Variants in PAK5 observed in about 807,000 individuals in gnomAD.
PAK5 encodes the protein p21 (RAC1) activated kinase 5.
Under a neutral mutation model 65.9 loss-of-function variants are expected in PAK5, and 16 were observed. The ratio of observed to expected loss-of-function variants is 0.24; its 90% CI spans 0.16 to 0.37. PAK5 has a LOEUF of 0.37. PAK5 is among the 10% of genes least tolerant of loss of function. The pLI is 1.00. For missense variants in PAK5, 785 were observed against 903.9 expected (o/e 0.87, Z 1.69); for synonymous variants, 371 against 354.9 (o/e 1.05, Z -0.51).
chr20:9,812,662 A>G (rs1301232256), intron 1 of PAK5, among the ~76,000 whole-genome samples: 1 of 152,204 alleles, frequency 6.6e-6, no homozygotes, highest in East Asian at 1.9e-4. Context: ...CTAATAGGCA[A>G]AAGTTAGAAT....
rs867405536 is a variant in PAK5, at chr20:9,717,855, G to A, written c.-161-6420C>T. Among the ~76,000 whole-genome samples, 3 of 152,276 alleles carry A rather than the reference G, an allele frequency of 2.0e-5. No individual in the cohort carries two copies. In the South Asian group the frequency reaches 6.2e-4, roughly 32 times the overall value. On this transcript the variant is annotated intron_variant, in intron 1 of 9. Transcript: ENST00000353224. ...GGCTGGTCTCAAACTCCTGACCTCAGGTGATACACCCGCCTCGGCCTCCCA... is the reference window on the plus strand; with the variant it reads ...GGCTGGTCTCAAACTCCTGACCTCAAGTGATACACCCGCCTCGGCCTCCCA...
At chr20:9,727,379 GT>G (rs886639021) in intron 1 of PAK5, among the ~76,000 whole-genome samples, 5 of 152,188 alleles carry the variant, frequency 3.3e-5, no homozygotes, top group South Asian at 2.1e-4. Flanking sequence ...TCTTCATTTG[GT>G]TAAGGTGGGG....
At position 9,538,479 on chromosome 20, in the gene PAK5, T is replaced by G. The variant is rs2045205361; in HGVS notation, c.*983A>C. On this transcript the variant is annotated 3_prime_UTR_variant, in exon 10 of 10. Coordinates refer to ENST00000353224, the MANE Select transcript of PAK5 (RefSeq NM_177990.4). ...TCCTCTCCCTTTGTGAGCCTGGAATTCTCATGGTCTCACTGAAACATTCTA... is the reference window on the plus strand; with the variant it reads ...TCCTCTCCCTTTGTGAGCCTGGAATGCTCATGGTCTCACTGAAACATTCTA... 1 of 233,440 alleles carries G rather than the reference T, an allele frequency of 4.3e-6. No individual in the cohort carries two copies. The highest frequency in any genetic ancestry group is 2.2e-5 in the African/African-American group (1 of 45,342). 14.5% of individuals were successfully genotyped at this position (233,440 alleles called of 1,614,324 possible).
intron 2 of PAK5, among the ~76,000 whole-genome samples, chr20:9,669,997 C>G (rs1785187261): frequency 6.6e-6 from 1 of 151,116 alleles, no homozygotes; most frequent in Non-Finnish European, 1.5e-5. Flanking sequence ...CATCAATTCC[C>G]ACCTATGAGT....
chr20:9,558,053 T>C (rs2045538060), intron 6 of PAK5, among the ~76,000 whole-genome samples: 1 of 151,752 alleles, frequency 6.6e-6, no homozygotes, highest in African/African-American at 2.4e-5. Context: ...TATTCATTCA[T>C]TCATTCATTC....
At chr20:9,722,346 G>A (rs1254898137) in intron 1 of PAK5, among the ~76,000 whole-genome samples, 1 of 152,072 alleles carries the variant, frequency 6.6e-6, no homozygotes, top group African/African-American at 2.4e-5. Flanking sequence ...AAGGCCGGGC[G>A]TCGTGGCTGA....
intron 1 of PAK5, among the ~76,000 whole-genome samples, chr20:9,732,672 C>T (rs2048346697): frequency 6.6e-6 from 1 of 152,080 alleles, no homozygotes; most frequent in Non-Finnish European, 1.5e-5. Context: ...CAACTGTCTA[C>T]CCAAGGGCTA....
intron 7 of PAK5, among the ~76,000 whole-genome samples, chr20:9,545,328 C>T (rs143753009): frequency 1.3e-3 from 203 of 152,148 alleles, no homozygotes; most frequent in Middle Eastern, 6.8e-3. Context: ...TCTAGATGAC[C>T]GGGATTCAGT....
chr20:9,825,037 T>C (rs888587253), intron 1 of PAK5, among the ~76,000 whole-genome samples: 14 of 152,224 alleles, frequency 9.2e-5, no homozygotes, highest in African/African-American at 3.1e-4. Flanking sequence ...AAACAGACAC[T>C]AGCCTAATAG....
At chr20:9,837,538 G>C (rs1052196619) in intron 1 of PAK5, among the ~76,000 whole-genome samples, 2 of 152,168 alleles carry the variant, frequency 1.3e-5, no homozygotes, top group Non-Finnish European at 2.9e-5. Context: ...GAATATAACA[G>C]ATACACAAAT....
At position 9,583,466 on chromosome 20, in the gene PAK5, T is replaced by C. The variant is rs551083373; in HGVS notation, c.205-2536A>G. On this transcript the variant is annotated intron_variant, in intron 3 of 9. Coordinates refer to ENST00000353224, the MANE Select transcript of PAK5 (RefSeq NM_177990.4). ...GTTCTTTAAAATTCCTTTACACTTA[T>C]AGTTTGCATTCAAAGCACTGTTTCC... is the stretch of plus-strand genomic sequence containing the variant. 3.9e-5 allele frequency among the ~76,000 whole-genome samples: 6 copies of C among 152,354 alleles called. No homozygotes were observed. In the South Asian group the frequency reaches 8.3e-4, roughly 21 times the overall value.
chr20:9,837,779 A>G (rs969065420), intron 1 of PAK5, among the ~76,000 whole-genome samples: 10 of 152,148 alleles, frequency 6.6e-5, no homozygotes, highest in African/African-American at 2.2e-4. Flanking sequence ...GATTTTCCTA[A>G]AAGTGTGTTC....
chr20:9,652,250 C>T (rs1381206460), intron 2 of PAK5, among the ~76,000 whole-genome samples: 3 of 152,200 alleles, frequency 2.0e-5, no homozygotes, highest in Non-Finnish European at 2.9e-5. Flanking sequence ...CATCCCCTTT[C>T]TGAGATGTCA....
At chr20:9,657,204 T>C (rs1045327468) in intron 2 of PAK5, among the ~76,000 whole-genome samples, 1 of 152,196 alleles carries the variant, frequency 6.6e-6, no homozygotes, top group Non-Finnish European at 1.5e-5. Context: ...TCTCCACAAA[T>C]ATATAATATT....
At chr20:9,801,135 A>G (rs183220582) in intron 1 of PAK5, among the ~76,000 whole-genome samples, 16 of 152,232 alleles carry the variant, frequency 1.1e-4, no homozygotes, top group African/African-American at 3.1e-4. Context: ...TGTTGTCCCT[A>G]TGAGAAAACA....
intron 1 of PAK5, among the ~76,000 whole-genome samples, chr20:9,727,800 G>A (rs1251131699): frequency 6.6e-6 from 1 of 151,884 alleles, no homozygotes; most frequent in Admixed American, 6.6e-5. Context: ...TGGCCACTTG[G>A]GGCTCCTGCA....
chr20:9,824,425 TA>T (rs1466261158), intron 1 of PAK5, among the ~76,000 whole-genome samples: 1 of 152,202 alleles, frequency 6.6e-6, no homozygotes, highest in Non-Finnish European at 1.5e-5. Context: ...ATGGTTTATC[TA>T]GAGAAGAATT....
At chr20:9,748,905 C>G (rs2048540729) in intron 1 of PAK5, among the ~76,000 whole-genome samples, 1 of 152,118 alleles carries the variant, frequency 6.6e-6, no homozygotes, top group Non-Finnish European at 1.5e-5. Flanking sequence ...CCATGTTGAA[C>G]AGCACAGCCC....
chr20:9,537,667 T>A lies in PAK5; in HGVS notation c.*1795A>T, dbSNP rs1442554428. 9.1e-6 allele frequency: 2 copies of A among 219,200 alleles called. No homozygotes were observed. Among genetic ancestry groups the A allele is most frequent in the Non-Finnish European group, 1.8e-5 (2 of 109,094 alleles). The allele number at this position is 219,200 out of a possible 1,614,324, so 13.6% of individuals were successfully genotyped here. A position where few individuals can be genotyped will look rare whatever the true frequency, so the allele number is the denominator to read the frequency against. ...TTCTACATAGTCCTGGTTAAATTAATACAATCTGTCTCATGAACATTTAGG... is the reference window on the plus strand; with the variant it reads ...TTCTACATAGTCCTGGTTAAATTAAAACAATCTGTCTCATGAACATTTAGG... On this transcript the variant is annotated 3_prime_UTR_variant, in exon 10 of 10. Coordinates refer to ENST00000353224, the MANE Select transcript of PAK5 (RefSeq NM_177990.4).
Sources: allele counts gnomAD v4.1 joint callset (sites outside exome capture counted in the v4.1 genomes callset), GRCh38; gene constraint gnomAD v4.1.1; transcripts MANE v1.5; gene names NCBI Gene and HGNC (gene_info 2026-07-23, HGNC 2026-07-21).